RAP1GDS1: variants seen among roughly 807,000 people sequenced by gnomAD.
RAP1GDS1 encodes RAP1, GTP-GDP dissociation stimulator 1.
RAP1GDS1 carries 35 observed loss-of-function variants against 71.1 expected under a neutral mutation model. That is an observed-to-expected ratio of 0.49 (90% confidence interval 0.38 to 0.65). RAP1GDS1 has a LOEUF of 0.65. Ranked by LOEUF, RAP1GDS1 falls within the 30% of genes least tolerant of loss-of-function variation. The pLI is 0.00. For synonymous variants in RAP1GDS1, 229 were observed against 243.1 expected (o/e 0.94, Z 0.54); for missense variants, 663 against 706.1 (o/e 0.94, Z 0.69).
chr4:98,354,951 T>C (rs1218123995), intron 4 of RAP1GDS1, among the ~76,000 whole-genome samples: 1 of 152,210 alleles, frequency 6.6e-6, no homozygotes, highest in Non-Finnish European at 1.5e-5. Flanking sequence ...CATATGCATA[T>C]AATTTCCATA....
chr4:98,350,495 C>G (rs1737007631), intron 3 of RAP1GDS1, among the ~76,000 whole-genome samples: 1 of 151,928 alleles, frequency 6.6e-6, no homozygotes. Context: ...TCACTTGAGC[C>G]TAGAAGTTCG....
chr4:98,301,881 G>T (rs996444583), intron 2 of RAP1GDS1, among the ~76,000 whole-genome samples: 1 of 152,044 alleles, frequency 6.6e-6, no homozygotes, highest in Non-Finnish European at 1.5e-5. Context: ...GAAATGAAGT[G>T]TTCTGTAGAA....
intron 7 of RAP1GDS1, among the ~76,000 whole-genome samples, chr4:98,410,960 C>A (rs1746976059): frequency 6.6e-6 from 1 of 152,132 alleles, no homozygotes; most frequent in Admixed American, 6.6e-5. Context: ...CAATGAATTT[C>A]TTGATCTAGG....
At chr4:98,269,968 G>C (rs1298578415) in intron 1 of RAP1GDS1, among the ~76,000 whole-genome samples, 2 of 152,078 alleles carry the variant, frequency 1.3e-5, no homozygotes, top group Non-Finnish European at 2.9e-5. Flanking sequence ...CTGCAGACTG[G>C]GTAATATATA....
intron 2 of RAP1GDS1, among the ~76,000 whole-genome samples, chr4:98,332,096 C>A (rs1360381780): frequency 6.6e-6 from 1 of 152,142 alleles, no homozygotes; most frequent in Admixed American, 6.5e-5. Flanking sequence ...GAGAATTTTT[C>A]TGCAGTGTAA....
At chr4:98,317,333 G>A (rs1377295880) in intron 2 of RAP1GDS1, among the ~76,000 whole-genome samples, 1 of 152,128 alleles carries the variant, frequency 6.6e-6, no homozygotes, top group Non-Finnish European at 1.5e-5. Flanking sequence ...AGTAAATCCA[G>A]AATCAATCTG....
At chr4:98,275,203 A>T (rs1381932800) in intron 1 of RAP1GDS1, among the ~76,000 whole-genome samples, 2 of 152,164 alleles carry the variant, frequency 1.3e-5, no homozygotes, top group Non-Finnish European at 2.9e-5. Flanking sequence ...ATCTAACTCG[A>T]TAACAAAACA....
chr4:98,399,434 C>T (rs184512634), intron 6 of RAP1GDS1, among the ~76,000 whole-genome samples: 3 of 152,272 alleles, frequency 2.0e-5, no homozygotes, highest in East Asian at 3.9e-4. Flanking sequence ...GCTGGGACTA[C>T]AGGCGTGCAC....
chr4:98,339,918 C>G (rs964968303), intron 2 of RAP1GDS1, among the ~76,000 whole-genome samples: 1 of 150,698 alleles, frequency 6.6e-6, no homozygotes, highest in Admixed American at 6.6e-5. Flanking sequence ...TTACAAAGAA[C>G]TTAAAATAGA....
intron 2 of RAP1GDS1, among the ~76,000 whole-genome samples, chr4:98,307,915 G>A (rs1388195827): frequency 6.6e-6 from 1 of 152,116 alleles, no homozygotes; most frequent in South Asian, 2.1e-4. Flanking sequence ...TTTAGTTTCC[G>A]ATACTGATGG....
intron 1 of RAP1GDS1, among the ~76,000 whole-genome samples, chr4:98,276,510 AAG>A (rs1255713986): frequency 6.6e-6 from 1 of 151,740 alleles, no homozygotes; most frequent in African/African-American, 2.4e-5. Flanking sequence ...TATTGAGTAA[AAG>A]AGAATATTTT....
chr4:98,434,154 A>T (rs1750831769), intron 13 of RAP1GDS1, 92 bp downstream of exon 13: 1 of 1,463,686 alleles, frequency 6.8e-7, no homozygotes, highest in African/African-American at 1.4e-5. Context: ...CAGAACCTTG[A>T]CTGGAAGCAT....
At chr4:98,281,779 T>C (rs1028248565) in intron 1 of RAP1GDS1, among the ~76,000 whole-genome samples, 6 of 152,214 alleles carry the variant, frequency 3.9e-5, no homozygotes, top group Middle Eastern at 3.2e-3. Context: ...TTGAGATACT[T>C]TCCATCAATA....
intron 2 of RAP1GDS1, among the ~76,000 whole-genome samples, chr4:98,324,085 A>G (rs1732492310): frequency 1.3e-5 from 2 of 151,182 alleles, no homozygotes; most frequent in African/African-American, 2.4e-5. Flanking sequence ...CAGGATACAA[A>G]ATCAATGTAC....
At chr4:98,422,705 T>C (rs1749061492) in intron 12 of RAP1GDS1, among the ~76,000 whole-genome samples, 1 of 152,226 alleles carries the variant, frequency 6.6e-6, no homozygotes, top group Non-Finnish European at 1.5e-5. Context: ...ATCTCTTTCA[T>C]ATAAATAATT....
rs74411548 is a variant in RAP1GDS1, at chr4:98,437,076, T to A, written c.1696+8T>A. On this transcript the variant is annotated splice_region_variant and intron_variant, in intron 14 of 14. Coordinates refer to ENST00000408927, the MANE Select transcript of RAP1GDS1 (RefSeq NM_001100427.2). ...GTGCTCTTATGGGATCTGGTAAGTA[T>A]TCTTCTATCATTTGATGTCCATAAA... 0.019 allele frequency: 30,078 copies of A among 1,581,982 alleles called. 357 individuals carry two copies. The highest frequency in any genetic ancestry group is 0.027 in the South Asian group (2,269 of 84,570).
At chr4:98,376,487 A>T (rs1006596625) in intron 4 of RAP1GDS1, among the ~76,000 whole-genome samples, 3 of 152,070 alleles carry the variant, frequency 2.0e-5, no homozygotes, top group African/African-American at 7.2e-5. Context: ...CTGGAAAAAT[A>T]AGTCAGTTGT....
chr4:98,264,578 G>T (rs1722474498), intron 1 of RAP1GDS1, among the ~76,000 whole-genome samples: 1 of 152,036 alleles, frequency 6.6e-6, no homozygotes, highest in Non-Finnish European at 1.5e-5. Flanking sequence ...CAGTGTACTG[G>T]GAGGACAAAG....
chr4:98,315,490 CAA>C (rs1158997522), intron 2 of RAP1GDS1, among the ~76,000 whole-genome samples: 1 of 151,688 alleles, frequency 6.6e-6, no homozygotes, highest in African/African-American at 2.4e-5. Flanking sequence ...ATTTTGAAAA[CAA>C]AATGTATTTT....
Sources: allele counts gnomAD v4.1 joint callset (sites outside exome capture counted in the v4.1 genomes callset), GRCh38; gene constraint gnomAD v4.1.1; transcripts MANE v1.5; gene names NCBI Gene and HGNC (gene_info 2026-07-23, HGNC 2026-07-21).